Variants in CA14 observed in about 807,000 individuals in gnomAD.
CA14 encodes the protein carbonic anhydrase 14, also known as CA-XIV.
CA14 carries 44 observed loss-of-function variants against 48.8 expected under a neutral mutation model. That is an observed-to-expected ratio of 0.90 (90% CI 0.71 to 1.16). The LOEUF is 1.16. CA14 is among the 50% of genes most tolerant of loss of function. The pLI is 0.00. For synonymous variants in CA14, 154 were observed against 155.0 expected, an observed-to-expected ratio of 0.99 and a Z score of 0.05; for missense variants, 386 against 401.0, an observed-to-expected ratio of 0.96 and a Z score of 0.32.
intron 5 of CA14, 53 bp downstream of exon 5, chr1:150,262,673 C>T: frequency 6.8e-7 from 1 of 1,469,172 alleles, no homozygotes; most frequent in Non-Finnish European, 9.5e-7. Flanking sequence ...CTGCAACCCT[C>T]AAACCTATTT....
At chr1:150,260,552 G>A in intron 2 of CA14, 1 of 357,138 alleles carries the variant, frequency 2.8e-6, no homozygotes, top group Non-Finnish European at 5.4e-6. Context: ...GGTCAGGGGT[G>A]AGGAAGAGGC....
intron 8 of CA14, 94 bp downstream of exon 8, chr1:150,263,513 G>A: frequency 4.4e-6 from 7 of 1,606,232 alleles, no homozygotes; most frequent in Non-Finnish European, 5.1e-6. Flanking sequence ...AAAAGGGGAG[G>A]GGGTTTCTGG....
chr1:150,260,084 G>A, intron 1 of CA14, 67 bp from the exon 2 acceptor site: 3 of 1,500,982 alleles, frequency 2.0e-6, no homozygotes, highest in Admixed American at 3.4e-5. Flanking sequence ...CAGAGGGAGG[G>A]GAGTGTGGAG....
At chr1:150,264,222 T>C (rs1393376012) in intron 10 of CA14, among the ~76,000 whole-genome samples, 1 of 147,058 alleles carries the variant, frequency 6.8e-6, no homozygotes, top group Non-Finnish European at 1.5e-5. Flanking sequence ...CACCCGCTTT[T>C]TGAGACAGGT....
rs1651313071 is a variant in CA14 at position 150,263,675 on chromosome 1, C to G, written c.858C>G (p.Thr286=). Residue 286 remains threonine, a synonymous_variant, in exon 9 of 11, where the codon ACC becomes ACG. Transcript: ENST00000369111. ...ASFIQAGSSY[T]TGEMLSLGVG... is the part of the protein sequence containing the mutation. ...CTCTTACAGCAGGATCCTCGTATAC[C>G]ACAGGTAAGCCAGCCTTATAAGATA... 1 of 1,613,906 alleles carries G rather than the reference C, an allele frequency of 6.2e-7. No individual in the cohort carries two copies.
Position 150,264,619 on chromosome 1 carries a change from G to A in CA14, c.974G>A (p.Ser325Asn). Residue 325 changes from serine (S) to asparagine (N), a missense_variant, in exon 11 of 11, where the codon AGT becomes AAT. Physicochemically the swap from Ser to Asn is conservative, Grantham distance 46. Transcript: ENST00000369111. ...IRKKRLENRKSVVFTSAQATT... is the reference protein window; with the variant it reads ...IRKKRLENRKNVVFTSAQATT... The stretch of plus-strand genomic sequence containing the variant: ...AAGAAGAGGCTGGAAAACCGAAAGA[G>A]TGTGGTCTTCACCTCAGCACAAGCC... 6.2e-7 allele frequency: 1 copy of A among 1,612,732 alleles called. No homozygotes were observed. The highest frequency in any genetic ancestry group is 1.1e-5 in the South Asian group (1 of 91,050).
Position 150,262,410 on chromosome 1 carries a change from C to G in CA14, c.399+110C>G, listed in dbSNP as rs1651118256. ...CATGCTGGGGGGATAAGGCCAATCTCTGAGGGACAGACTTAGTGCCTGCCG... is the reference window on the plus strand; with the variant it reads ...CATGCTGGGGGGATAAGGCCAATCTGTGAGGGACAGACTTAGTGCCTGCCG... On this transcript the variant is annotated intron_variant, in intron 4 of 10. Transcript: ENST00000369111. 7 of 1,500,346 alleles carry G rather than the reference C, an allele frequency of 4.7e-6. No individual in the cohort carries two copies. The East Asian group carries it at 1.6e-4, about 34-fold the overall frequency. The allele number at this position is 1,500,346 out of a possible 1,614,324, so 92.9% of individuals were successfully genotyped here. A position where few individuals can be genotyped will look rare whatever the true frequency, so the allele number is the denominator to read the frequency against.
At chr1:150,263,735 G>GA in intron 9 of CA14, 56 bp downstream of exon 9, 13 of 1,612,456 alleles carry the variant, frequency 8.1e-6, no homozygotes, top group Non-Finnish European at 1.1e-5. Flanking sequence ...CCGAGTGGGG[G>GA]AAAGGCTCAA....
In CA14 at chr1:150,258,044, CT is replaced by C; in HGVS notation, c.-84del. 1.0e-6 allele frequency: 1 copy of C among 1,002,714 alleles called. No individual in the cohort carries two copies. Among genetic ancestry groups the C allele is most frequent in the Non-Finnish European group, 1.5e-6 (1 of 679,630 alleles). 62.1% of individuals were successfully genotyped at this position (1,002,714 alleles called of 1,614,324 possible). A position where few individuals can be genotyped will look rare whatever the true frequency, so the allele number is the denominator to read the frequency against. On this transcript the variant is annotated 5_prime_UTR_variant, in exon 1 of 11. Coordinates refer to ENST00000369111, the MANE Select transcript of CA14 (RefSeq NM_012113.3). ...GCTCGCTCGCTCTCTCTCTCTCTCTCTCACTCCTCCCTCCCTCTCTCTCTGC... is the reference window on the plus strand; with the variant it reads ...GCTCGCTCGCTCTCTCTCTCTCTCTCCACTCCTCCCTCCCTCTCTCTCTGC...
chr1:150,263,218 AG>A lies in CA14; in HGVS notation c.720+21del, dbSNP rs1553848373. ...GGAACAGGTAAGTGGTGGAGAAACG[AG>A]GTGAGGTGAGACACAGTTGTAACTT... is the stretch of plus-strand genomic sequence containing the variant. On this transcript the variant is annotated intron_variant, in intron 7 of 10. Coordinates refer to ENST00000369111, the MANE Select transcript of CA14 (RefSeq NM_012113.3). The A allele has an allele frequency of 6.2e-7, 1 of 1,613,996 alleles. No homozygotes were observed. The highest frequency in any genetic ancestry group is 1.7e-5 in the Admixed American group (1 of 60,024).
At chr1:150,263,541 A>G in intron 8 of CA14, 118 bp from the exon 9 acceptor site, 1 of 1,609,958 alleles carries the variant, frequency 6.2e-7, no homozygotes, top group Non-Finnish European at 8.5e-7. Flanking sequence ...TTGGACTGGG[A>G]ACCAACCCCC....
chr1:150,263,207 G>A lies in CA14; in HGVS notation c.720+8G>A, dbSNP rs782635141. 8 of 1,613,974 alleles carry A rather than the reference G, an allele frequency of 5.0e-6. No homozygotes were observed. Among genetic ancestry groups the A allele is most frequent in the South Asian group, 3.3e-5 (3 of 91,076 alleles). On this transcript the variant is annotated splice_region_variant and intron_variant, in intron 7 of 10. Coordinates refer to ENST00000369111, the MANE Select transcript of CA14 (RefSeq NM_012113.3). ...CAGATTTCAATGGAACAGGTAAGTG[G>A]TGGAGAAACGAGGTGAGGTGAGACA...
chr1:150,263,479 G>A lies in CA14; in HGVS notation c.841+60G>A, dbSNP rs587768269. 1.9e-4 allele frequency: 299 copies of A among 1,607,808 alleles called. No homozygotes were observed. In the African/African-American group the frequency reaches 3.5e-3, roughly 19 times the overall value. The stretch of plus-strand genomic sequence containing the variant: ...GAGGGGGACACAATGGCAGGAACTA[G>A]GGAGCCAATGGGAAGAAAAGGCTAA... On this transcript the variant is annotated intron_variant, in intron 8 of 10. Coordinates refer to ENST00000369111, the MANE Select transcript of CA14 (RefSeq NM_012113.3).
rs1430667960 is a variant in CA14 at position 150,263,535 on chromosome 1, A to G, written c.841+116A>G. On this transcript the variant is annotated intron_variant, in intron 8 of 10. Coordinates refer to ENST00000369111, the MANE Select transcript of CA14 (RefSeq NM_012113.3). ...GAGGGGGTTTCTGGGACTTGCTTGGACTGGGAACCAACCCCCACCCCAGGG... is the reference window on the plus strand; with the variant it reads ...GAGGGGGTTTCTGGGACTTGCTTGGGCTGGGAACCAACCCCCACCCCAGGG... 3.7e-6 allele frequency: 6 copies of G among 1,609,298 alleles called. No individual in the cohort carries two copies. In the East Asian group the frequency reaches 1.1e-4, roughly 30 times the overall value.
intron 1 of CA14, among the ~76,000 whole-genome samples, chr1:150,258,389 G>C (rs1165820662): frequency 6.6e-6 from 1 of 152,154 alleles, no homozygotes; most frequent in Non-Finnish European, 1.5e-5. Context: ...TTGGAGGTCG[G>C]GGAGAACTAG....
Position 150,263,153 on chromosome 1 carries a change from T to C in CA14, c.674T>C (p.Val225Ala). ...SLTTPPCYQS[V>A]LWTVFYRRSQ... ...ACAACTCCCCCTTGCTACCAGAGTGTGCTCTGGACAGTTTTTTATAGAAGG... is the reference window on the plus strand; with the variant it reads ...ACAACTCCCCCTTGCTACCAGAGTGCGCTCTGGACAGTTTTTTATAGAAGG... The change falls in exon 7 of 11, where the codon GTG (valine) becomes GCG (alanine). Residue 225 changes from valine (V) to alanine (A), a missense_variant. Coordinates refer to ENST00000369111, the MANE Select transcript of CA14 (RefSeq NM_012113.3). 1 of 1,614,150 alleles carries C rather than the reference T, an allele frequency of 6.2e-7. No individual in the cohort carries two copies. The highest frequency in any genetic ancestry group is 8.5e-7 in the Non-Finnish European group (1 of 1,179,978).
chr1:150,263,538 G>A (rs200061849), intron 8 of CA14, 119 bp downstream of exon 8: 178 of 1,609,350 alleles, frequency 1.1e-4, no homozygotes, highest in Non-Finnish European at 1.4e-4. Context: ...TGCTTGGACT[G>A]GGAACCAACC....
intron 10 of CA14, 83 bp from the exon 11 acceptor site, chr1:150,264,510 C>A: frequency 1.2e-6 from 1 of 825,364 alleles, no homozygotes; most frequent in South Asian, 1.5e-5. Flanking sequence ...GCCCTCTTTT[C>A]TGTTAAAAAG....
At chr1:150,262,681 T>A in intron 5 of CA14, 61 bp downstream of exon 5, 1 of 1,442,294 alleles carries the variant, frequency 6.9e-7, no homozygotes. Flanking sequence ...CTCAAACCTA[T>A]TTCTGTTGCT....
Sources: allele counts gnomAD v4.1 joint callset (sites outside exome capture counted in the v4.1 genomes callset), GRCh38; gene constraint gnomAD v4.1.1; transcripts MANE v1.5; gene names NCBI Gene and HGNC (gene_info 2026-07-23, HGNC 2026-07-21).